The following KAZN variants were observed in gnomAD, a reference collection of about 807,000 sequenced individuals.
KAZN encodes kazrin, periplakin interacting protein.
A neutral mutation model predicts 87.4 loss-of-function variants in KAZN; 40 were observed. The ratio of observed to expected loss-of-function variants is 0.46; its 90% CI spans 0.36 to 0.60. KAZN has a LOEUF of 0.60. KAZN is among the 20% of genes least tolerant of loss of function. KAZN has a pLI of 0.00. For synonymous variants in KAZN, 466 were observed against 458.3 expected, an observed-to-expected ratio of 1.02 and a Z score of -0.22; for missense variants, 898 against 1,073.9, an observed-to-expected ratio of 0.84 and a Z score of 2.29.
At chr1:14,248,623 TGTATGACAGAA>T (rs1301422321) in intron 2 of KAZN, among the ~76,000 whole-genome samples, 3 of 152,232 alleles carry the variant, frequency 2.0e-5, no homozygotes, top group Non-Finnish European at 4.4e-5. Context: ...GGGAGAATGT[TGTATGACAGAA>T]GTATGTGCAA....
chr1:14,060,383 A>AAG (rs1642747289), intron 1 of KAZN, among the ~76,000 whole-genome samples: 3 of 139,278 alleles, frequency 2.2e-5, no homozygotes, highest in African/African-American at 7.9e-5. Context: ...AAAAAAAAAA[A>AAG]GAATGAGGGT....
At chr1:14,690,173 G>A (rs532535569) in intron 1 of KAZN, among the ~76,000 whole-genome samples, 163 of 152,228 alleles carry the variant, frequency 1.1e-3, no homozygotes, top group African/African-American at 3.6e-3. Context: ...ACTCCGCCGC[G>A]GCAGTGCTCA....
chr1:14,924,203 C>G (rs1409527300), intron 1 of KAZN: 1 of 981,110 alleles, frequency 1.0e-6, no homozygotes, highest in Non-Finnish European at 1.2e-6. Context: ...GGCGTCCGGC[C>G]GGACTGAGAG....
At chr1:14,954,846 C>T (rs1662894268) in intron 1 of KAZN, among the ~76,000 whole-genome samples, 1 of 152,180 alleles carries the variant, frequency 6.6e-6, no homozygotes, top group Non-Finnish European at 1.5e-5. Flanking sequence ...GTCCCAGCTA[C>T]TCGGGAGGCT....
chr1:15,046,773 AG>A (rs1359385310), intron 4 of KAZN, among the ~76,000 whole-genome samples: 2 of 152,190 alleles, frequency 1.3e-5, no homozygotes, highest in African/African-American at 2.4e-5. Context: ...TCTGGGGTCC[AG>A]GGGGTTCCCA....
chr1:14,708,691 A>C (rs1279646341), intron 1 of KAZN, among the ~76,000 whole-genome samples: 1 of 152,222 alleles, frequency 6.6e-6, no homozygotes, highest in African/African-American at 2.4e-5. Flanking sequence ...CAGATCCCTG[A>C]GTAGCACAAT....
intron 1 of KAZN, among the ~76,000 whole-genome samples, chr1:14,664,669 T>C (rs2148722587): frequency 6.7e-6 from 1 of 150,082 alleles, no homozygotes; most frequent in African/African-American, 2.5e-5. Flanking sequence ...TTTTTTTTTT[T>C]CTGAGACAGA....
chr1:14,346,352 G>A (rs1315574849), intron 2 of KAZN, among the ~76,000 whole-genome samples: 1 of 152,200 alleles, frequency 6.6e-6, no homozygotes, highest in Non-Finnish European at 1.5e-5. Context: ...AAAAGGATGA[G>A]GATGATGACT....
chr1:13,958,573 C>CA (rs34636758), intron 1 of KAZN, among the ~76,000 whole-genome samples: 103,161 of 131,808 alleles, frequency 0.78, 39,973 homozygotes, highest in East Asian at 0.94. Flanking sequence ...GACTCCATCT[C>CA]AAAAAAAAAA....
At chr1:15,031,482 G>A (rs2102228640) in intron 2 of KAZN, among the ~76,000 whole-genome samples, 1 of 152,370 alleles carries the variant, frequency 6.6e-6, no homozygotes, top group African/African-American at 2.4e-5. Flanking sequence ...CGTGCACCAA[G>A]GAGCCAGCGC....
chr1:14,471,819 T>G (rs1668470798), intron 2 of KAZN, among the ~76,000 whole-genome samples: 1 of 152,212 alleles, frequency 6.6e-6, no homozygotes, highest in African/African-American at 2.4e-5. Context: ...ATGAACAATT[T>G]GTTCTTTGGC....
At chr1:14,551,301 C>G (rs2148512148) in intron 2 of KAZN, among the ~76,000 whole-genome samples, 1 of 152,276 alleles carries the variant, frequency 6.6e-6, no homozygotes, top group East Asian at 1.9e-4. Flanking sequence ...CTTTCCTCTT[C>G]CTTGCTATGA....
intron 2 of KAZN, chr1:14,223,179 G>T (rs139308655): frequency 6.6e-6 from 1 of 152,290 alleles, no homozygotes; most frequent in Non-Finnish European, 1.5e-5. Context: ...GGAAGAGGTG[G>T]TCCACAGTCA....
chr1:14,822,231 C>A (rs889392925), intron 1 of KAZN, among the ~76,000 whole-genome samples: 1 of 152,030 alleles, frequency 6.6e-6, no homozygotes, highest in African/African-American at 2.4e-5. Flanking sequence ...GGTGCCAGGC[C>A]GAGAATTCCA....
chr1:15,015,040 A>G (rs1669935588), intron 2 of KAZN, among the ~76,000 whole-genome samples: 1 of 152,224 alleles, frequency 6.6e-6, no homozygotes, highest in Non-Finnish European at 1.5e-5. Flanking sequence ...GATTAATAAT[A>G]TATAAAGTTT....
intron 2 of KAZN, among the ~76,000 whole-genome samples, chr1:14,233,977 G>A (rs966633123): frequency 9.9e-5 from 15 of 152,192 alleles, no homozygotes; most frequent in African/African-American, 3.4e-4. Context: ...CAACCATTGT[G>A]CAAGACAGTG....
At chr1:14,318,033 A>G (rs1057319458) in intron 2 of KAZN, among the ~76,000 whole-genome samples, 2 of 151,940 alleles carry the variant, frequency 1.3e-5, no homozygotes, top group Non-Finnish European at 2.9e-5. Flanking sequence ...TTTTTGTGCT[A>G]CTGTTATCAT....
intron 2 of KAZN, among the ~76,000 whole-genome samples, chr1:14,349,879 GTAA>G (rs1557655639): frequency 6.6e-6 from 1 of 152,092 alleles, no homozygotes; most frequent in African/African-American, 2.4e-5. Flanking sequence ...GCTCACGCCT[GTAA>G]TCCCAGCACT....
At chr1:14,777,721 C>T (rs1471922988) in intron 1 of KAZN, among the ~76,000 whole-genome samples, 7 of 152,306 alleles carry the variant, frequency 4.6e-5, no homozygotes, top group Admixed American at 3.9e-4. Flanking sequence ...GCTTGAGCTG[C>T]TTGACCGAGG....
Sources: gnomAD v4.1 joint callset for allele counts (sites outside exome capture counted in the v4.1 genomes callset) on GRCh38, gnomAD v4.1.1 for gene constraint, MANE v1.5 for transcripts, NCBI Gene and HGNC (gene_info 2026-07-23, HGNC 2026-07-21) for gene names.